The following PJA2 variants were observed in gnomAD, a reference collection of about 807,000 sequenced individuals.
PJA2 encodes the protein E3 ubiquitin-protein ligase Praja-2.
Under a neutral mutation model 69.3 loss-of-function variants are expected in PJA2, and 25 were observed. The ratio of observed to expected loss-of-function variants is 0.36; its 90% CI spans 0.26 to 0.50. PJA2 has a LOEUF of 0.50. Ranked by LOEUF, PJA2 falls within the 20% of genes least tolerant of loss-of-function variation. The pLI is 0.96. For missense variants in PJA2, 809 were observed against 830.2 expected, an observed-to-expected ratio of 0.97 and a Z score of 0.31; for synonymous variants, 308 against 277.8, an observed-to-expected ratio of 1.11 and a Z score of -1.08.
intron 1 of PJA2, 122 bp from the exon 2 acceptor site, chr5:109,383,642 C>G: frequency 2.4e-6 from 1 of 423,712 alleles, no homozygotes. Flanking sequence ...TGTGATGTAG[C>G]CAGCATGGTG....
Position 109,381,499 on chromosome 5 carries a change from A to G in PJA2, c.232+4T>C. The G allele has an allele frequency of 6.2e-7, 1 of 1,612,812 alleles. No homozygotes were observed. Among genetic ancestry groups the G allele is most frequent in the East Asian group, 2.2e-5 (1 of 44,852 alleles). On this transcript the variant is annotated splice_donor_region_variant and intron_variant, in intron 3 of 9. Coordinates refer to ENST00000361189, the MANE Select transcript of PJA2 (RefSeq NM_014819.5). ...TAACCTTTAAATAATTAAATGTTAC[A>G]CACCTGAGGAATTTTCCTTTGGAAC...
rs537810451 is a variant in PJA2 at position 109,397,765 on chromosome 5, C to T, written c.-88+12077G>A. On this transcript the variant is annotated intron_variant, in intron 1 of 9. Transcript: ENST00000361189. Reference sequence around the variant, plus strand: ...TCTTGAACTCCTGATCTCAAATGATCCACCCAGCGTGGCCTCTCAAAATGC... The same window carrying T: ...TCTTGAACTCCTGATCTCAAATGATTCACCCAGCGTGGCCTCTCAAAATGC... Among the ~76,000 whole-genome samples the T allele has an allele frequency of 3.2e-4, 49 of 152,156 alleles. 1 individual carries two copies. The South Asian group carries it at 9.9e-3, about 31-fold the overall frequency.
At chr5:109,364,093 A>G (rs941106429) in intron 5 of PJA2, among the ~76,000 whole-genome samples, 1 of 152,198 alleles carries the variant, frequency 6.6e-6, no homozygotes, top group African/African-American at 2.4e-5. Flanking sequence ...CAGTGAGCTG[A>G]GATCACACCA....
intron 6 of PJA2, among the ~76,000 whole-genome samples, chr5:109,358,281 T>A (rs1036909855): frequency 5.3e-5 from 8 of 152,242 alleles, no homozygotes; most frequent in African/African-American, 1.9e-4. Context: ...CTTAAGGACA[T>A]GCTTCTGCTG....
rs1279693965 is a variant in PJA2, at chr5:109,336,479, T to G, written c.*752A>C. On this transcript the variant is annotated 3_prime_UTR_variant, in exon 10 of 10. Coordinates refer to ENST00000361189, the MANE Select transcript of PJA2 (RefSeq NM_014819.5). ...AAGGAGAAACAGGTTGGGTAAGAGGTTAGAAAGAGTTTCATAAGGCCATCT... is the reference window on the plus strand; with the variant it reads ...AAGGAGAAACAGGTTGGGTAAGAGGGTAGAAAGAGTTTCATAAGGCCATCT... 1 of 152,004 alleles carries G rather than the reference T, an allele frequency of 6.6e-6. No individual in the cohort carries two copies. The highest frequency in any genetic ancestry group is 1.9e-4 in the East Asian group (1 of 5,198). 9.4% of individuals were successfully genotyped at this position (152,004 alleles called of 1,614,324 possible). A position where few individuals can be genotyped will look rare whatever the true frequency, so the allele number is the denominator to read the frequency against.
At chr5:109,353,809 T>C (rs1006444595) in intron 7 of PJA2, among the ~76,000 whole-genome samples, 5 of 132,776 alleles carry the variant, frequency 3.8e-5, no homozygotes, top group African/African-American at 1.4e-4. Flanking sequence ...GAGATATCTA[T>C]AGATTAGATG....
At chr5:109,343,067 C>T (rs1354750951) in intron 9 of PJA2, among the ~76,000 whole-genome samples, 6 of 105,400 alleles carry the variant, frequency 5.7e-5, no homozygotes, top group East Asian at 2.2e-4. Context: ...AATAGAAAGG[C>T]GGGAAAGGTG....
chr5:109,342,686 G>A (rs1330219201), intron 9 of PJA2, among the ~76,000 whole-genome samples: 9 of 129,182 alleles, frequency 7.0e-5, no homozygotes, highest in East Asian at 4.7e-4. Flanking sequence ...CAGCCGCCCC[G>A]TCCGGGAGGG....
chr5:109,378,818 G>C lies in PJA2; in HGVS notation c.669C>G (p.Asn223Lys), dbSNP rs201608564. The C allele has an allele frequency of 6.2e-7, 1 of 1,613,378 alleles. No homozygotes were observed. Among genetic ancestry groups the C allele is most frequent in the African/African-American group, 1.3e-5 (1 of 74,920 alleles). ...TGLSPPVPSFNCEVRDEFEEL... is the reference protein window; with the variant it reads ...TGLSPPVPSFKCEVRDEFEEL... The stretch of plus-strand genomic sequence containing the variant: ...CTTCAAACTCATCTCTTACTTCACA[G>C]TTAAATGAGGGAACTGGTGGTGAAA... The change falls in exon 4 of 10, where the codon AAC (asparagine) becomes AAG (lysine). Residue 223 changes from asparagine (N) to lysine (K), a missense_variant. Physicochemically the swap from Asn to Lys is moderately conservative, Grantham distance 94 (BLOSUM62 0). This residue lies in a region of PJA2 where 700 missense variants were observed against 639.5 expected (regional missense o/e 1.09). Coordinates refer to ENST00000361189, the MANE Select transcript of PJA2 (RefSeq NM_014819.5).
intron 4 of PJA2, among the ~76,000 whole-genome samples, chr5:109,373,025 T>C (rs1582608742): frequency 6.8e-6 from 1 of 147,740 alleles, no homozygotes; most frequent in African/African-American, 2.5e-5. Context: ...ACCCAGGAGG[T>C]GGAGGTTGCA....
At chr5:109,353,072 C>G (rs1220685817) in intron 7 of PJA2, among the ~76,000 whole-genome samples, 1 of 142,224 alleles carries the variant, frequency 7.0e-6, no homozygotes, top group Non-Finnish European at 1.5e-5. Context: ...ATATTAGATA[C>G]CTATTATATC....
At chr5:109,362,139 T>A (rs1176622771) in intron 6 of PJA2, among the ~76,000 whole-genome samples, 1 of 152,236 alleles carries the variant, frequency 6.6e-6, no homozygotes, top group Non-Finnish European at 1.5e-5. Flanking sequence ...ATATCTTTTT[T>A]GCCCCAGAAA....
rs1422936555 is a variant in PJA2 at position 109,336,182 on chromosome 5, G to A, written c.*1049C>T. ...GCTTTACTATTTTACTTGCTCAAAT[G>A]TTCTACAGTCATCATTCTCTAGTGT... is the stretch of plus-strand genomic sequence containing the variant. On this transcript the variant is annotated 3_prime_UTR_variant, in exon 10 of 10. Transcript: ENST00000361189. 1 of 152,232 alleles carries A rather than the reference G, an allele frequency of 6.6e-6. No homozygotes were observed. Among genetic ancestry groups the A allele is most frequent in the Non-Finnish European group, 1.5e-5 (1 of 68,020 alleles). 9.4% of individuals were successfully genotyped at this position (152,232 alleles called of 1,614,324 possible).
At chr5:109,361,294 A>G (rs1351416389) in intron 6 of PJA2, among the ~76,000 whole-genome samples, 1 of 152,226 alleles carries the variant, frequency 6.6e-6, no homozygotes, top group African/African-American at 2.4e-5. Context: ...AAAAACCAGA[A>G]GTATAGAACA....
At chr5:109,396,244 T>A (rs564399578) in intron 1 of PJA2, among the ~76,000 whole-genome samples, 1 of 152,124 alleles carries the variant, frequency 6.6e-6, no homozygotes, top group African/African-American at 2.4e-5. Flanking sequence ...TTCAATGAAA[T>A]TCAACATTCA....
chr5:109,391,943 T>C (rs1747291248), intron 1 of PJA2, among the ~76,000 whole-genome samples: 1 of 152,224 alleles, frequency 6.6e-6, no homozygotes, highest in South Asian at 2.1e-4. Flanking sequence ...ACAGAAATTT[T>C]AGAAGACATA....
intron 9 of PJA2, among the ~76,000 whole-genome samples, chr5:109,342,714 C>A (rs1400334079): frequency 4.4e-5 from 6 of 136,206 alleles, no homozygotes; most frequent in African/African-American, 9.0e-5. Context: ...GGGAGTCAGC[C>A]CCCCCGCCCG....
chr5:109,340,797 C>T (rs1234741455), intron 9 of PJA2, among the ~76,000 whole-genome samples: 2,312 of 104,736 alleles, frequency 0.022, 133 homozygotes, highest in African/African-American at 0.069. Flanking sequence ...ATTGCAGGCT[C>T]GCGCCGCCAC....
At chr5:109,354,007 A>G (rs1233105426) in intron 7 of PJA2, among the ~76,000 whole-genome samples, 1 of 144,090 alleles carries the variant, frequency 6.9e-6, no homozygotes. Flanking sequence ...AGAGATATCT[A>G]TAGATTAGAT....
Sources: gnomAD v4.1 joint callset for allele counts (sites outside exome capture counted in the v4.1 genomes callset) on GRCh38, gnomAD v4.1.1 for gene constraint, gnomAD v4.1.1 regional missense constraint, MANE v1.5 for transcripts, NCBI Gene and HGNC (gene_info 2026-07-23, HGNC 2026-07-21) for gene names.